CTNNA2: variants seen among roughly 807,000 people sequenced by gnomAD.
CTNNA2 encodes catenin alpha-2.
In CTNNA2, 42 loss-of-function variants were observed where a neutral mutation model predicts 101.0. That is an observed-to-expected ratio of 0.42 (90% CI 0.32 to 0.54). CTNNA2 has a LOEUF of 0.54. Ranked by LOEUF, CTNNA2 falls within the 20% of genes least tolerant of loss-of-function variation. CTNNA2 has a pLI of 0.14. For missense variants in CTNNA2, 871 were observed against 1,223.1 expected, an observed-to-expected ratio of 0.71 and a Z score of 4.29; for synonymous variants, 450 against 456.4, an observed-to-expected ratio of 0.99 and a Z score of 0.18.
intron 7 of CTNNA2, among the ~76,000 whole-genome samples, chr2:80,322,617 C>G (rs1484407792): frequency 6.6e-6 from 1 of 151,730 alleles, no homozygotes; most frequent in Non-Finnish European, 1.5e-5. Context: ...GGCGCAGATG[C>G]GCTGCCCCGG....
At chr2:80,475,642 A>G (rs916040585) in intron 9 of CTNNA2, among the ~76,000 whole-genome samples, 2 of 152,102 alleles carry the variant, frequency 1.3e-5, no homozygotes, top group Non-Finnish European at 2.9e-5. Flanking sequence ...AGGGTCTACT[A>G]TTCTTTGACA....
At chr2:79,441,255 T>C (rs1426302658) in intron 4 of CTNNA2, among the ~76,000 whole-genome samples, 7 of 152,236 alleles carry the variant, frequency 4.6e-5, no homozygotes, top group Non-Finnish European at 1.0e-4. Context: ...CTATAACTTA[T>C]GTACCACCTC....
intron 1 of CTNNA2, among the ~76,000 whole-genome samples, chr2:79,516,909 C>T (rs1031281600): frequency 1.3e-5 from 2 of 152,110 alleles, no homozygotes; most frequent in Non-Finnish European, 2.9e-5. Context: ...TGTATTTTGA[C>T]CTATGTGAAG....
chr2:80,045,407 A>AT (rs1260922497), intron 7 of CTNNA2, among the ~76,000 whole-genome samples: 1 of 152,118 alleles, frequency 6.6e-6, no homozygotes, highest in African/African-American at 2.4e-5. Flanking sequence ...TTGGTTTCCC[A>AT]TTTTTTAAGC....
chr2:79,764,391 AAT>A (rs1315406443), intron 3 of CTNNA2, among the ~76,000 whole-genome samples: 4 of 152,230 alleles, frequency 2.6e-5, no homozygotes, highest in Non-Finnish European at 5.9e-5. Context: ...AACTAATAAA[AAT>A]ATATTTTGTT....
At chr2:80,179,436 T>C (rs1075241) in intron 7 of CTNNA2, among the ~76,000 whole-genome samples, 98,504 of 151,916 alleles carry the variant, frequency 0.65, 32,544 homozygotes, top group African/African-American at 0.76. Flanking sequence ...TGCAGTGGCA[T>C]GATCTCAGCT....
In CTNNA2 at chr2:79,321,489, A is replaced by G. The variant is rs73938192; in HGVS notation, c.-318+8693A>G. On this transcript the variant is annotated intron_variant, in intron 3 of 21. Transcript: ENST00000466387. ...AGCTGAAGAAGGCTAGAAATAGTTTATGAAAAAGTTGGATATAAGCTGGCT... is the reference window on the plus strand; with the variant it reads ...AGCTGAAGAAGGCTAGAAATAGTTTGTGAAAAAGTTGGATATAAGCTGGCT... Among the ~76,000 whole-genome samples, 338 of 152,334 alleles carry G rather than the reference A, an allele frequency of 2.2e-3. 3 individuals carry two copies. Among genetic ancestry groups the G allele is most frequent in the African/African-American group, 6.8e-3 (282 of 41,576 alleles).
At chr2:79,837,892 G>T (rs1365756439) in intron 3 of CTNNA2, among the ~76,000 whole-genome samples, 1 of 151,840 alleles carries the variant, frequency 6.6e-6, no homozygotes, top group Non-Finnish European at 1.5e-5. Context: ...TTCCAAACAT[G>T]GCTTATTTTA....
At chr2:80,427,392 C>T (rs896531339) in intron 9 of CTNNA2, among the ~76,000 whole-genome samples, 2 of 152,214 alleles carry the variant, frequency 1.3e-5, no homozygotes, top group Admixed American at 1.3e-4. Flanking sequence ...GTTGAATTAA[C>T]TCTCTCAAGA....
intron 13 of CTNNA2, among the ~76,000 whole-genome samples, chr2:80,575,914 A>C (rs1432756211): frequency 1.3e-5 from 2 of 152,200 alleles, no homozygotes; most frequent in Non-Finnish European, 2.9e-5. Context: ...GAGGAGAGAA[A>C]TGTACAGTAT....
At chr2:80,483,301 G>T (rs1686290585) in intron 9 of CTNNA2, among the ~76,000 whole-genome samples, 1 of 150,538 alleles carries the variant, frequency 6.6e-6, no homozygotes, top group African/African-American at 2.4e-5. Flanking sequence ...TTATCCTTCA[G>T]CATTTTATAT....
intron 7 of CTNNA2, among the ~76,000 whole-genome samples, chr2:80,173,959 A>T (rs1425186955): frequency 6.6e-6 from 1 of 152,174 alleles, no homozygotes; most frequent in Non-Finnish European, 1.5e-5. Context: ...TACTGACATA[A>T]TTTAATGTCA....
intron 7 of CTNNA2, among the ~76,000 whole-genome samples, chr2:79,998,363 A>G (rs1355970017): frequency 6.6e-6 from 1 of 152,252 alleles, no homozygotes; most frequent in African/African-American, 2.4e-5. Flanking sequence ...TAATTCTTAA[A>G]TGATAGACAA....
At chr2:79,453,185 T>G (rs763793029) in intron 4 of CTNNA2, among the ~76,000 whole-genome samples, 1 of 152,134 alleles carries the variant, frequency 6.6e-6, no homozygotes, top group Admixed American at 6.6e-5. Flanking sequence ...CTTTAACAAT[T>G]AATGTCTTAT....
intron 3 of CTNNA2, among the ~76,000 whole-genome samples, chr2:79,800,740 T>A (rs1676091022): frequency 6.6e-6 from 1 of 152,156 alleles, no homozygotes; most frequent in Admixed American, 6.5e-5. Context: ...TGTTGAGTAA[T>A]CTGTACGTTT....
intron 1 of CTNNA2, among the ~76,000 whole-genome samples, chr2:79,580,430 A>G (rs1240459884): frequency 6.6e-6 from 1 of 152,198 alleles, no homozygotes; most frequent in Non-Finnish European, 1.5e-5. Context: ...AAATAGTCCT[A>G]CAACTTCAAG....
intron 7 of CTNNA2, among the ~76,000 whole-genome samples, chr2:79,970,865 A>G (rs979908043): frequency 6.6e-6 from 1 of 152,038 alleles, no homozygotes; most frequent in Non-Finnish European, 1.5e-5. Context: ...CGAAATCACT[A>G]CTCAGAGAGG....
At position 79,434,868 on chromosome 2, in the gene CTNNA2, G is replaced by A. The variant is rs1049562234; in HGVS notation, c.-135+60855G>A. Among the ~76,000 whole-genome samples the A allele has an allele frequency of 3.9e-5, 6 of 152,142 alleles. No homozygotes were observed. The South Asian group carries it at 1.2e-3, about 31-fold the overall frequency. On this transcript the variant is annotated intron_variant, in intron 4 of 21. Transcript: ENST00000466387. ...TGTCTGAATCTAGGCAGACCAACATGGAGCAGGTATCTTTCTTCCAGTCCT... is the reference window on the plus strand; with the variant it reads ...TGTCTGAATCTAGGCAGACCAACATAGAGCAGGTATCTTTCTTCCAGTCCT...
chr2:79,974,194 A>C (rs1690681531), intron 7 of CTNNA2, among the ~76,000 whole-genome samples: 1 of 152,116 alleles, frequency 6.6e-6, no homozygotes, highest in South Asian at 2.1e-4. Flanking sequence ...GATTTCTTTT[A>C]GTCTCAGTTT....
Sources: gnomAD v4.1 joint callset for allele counts (sites outside exome capture counted in the v4.1 genomes callset) on GRCh38, gnomAD v4.1.1 for gene constraint, MANE v1.5 for transcripts, NCBI Gene and HGNC (gene_info 2026-07-23, HGNC 2026-07-21) for gene names.